The following PER2 variants were observed in gnomAD, a reference collection of about 807,000 sequenced individuals.
The protein encoded by PER2 is period circadian regulator 2, also known as period circadian protein homolog 2.
Under a neutral mutation model 121.0 loss-of-function variants are expected in PER2, and 66 were observed. The ratio of observed to expected loss-of-function variants is 0.55; its 90% CI spans 0.45 to 0.67. The LOEUF is 0.67. PER2 is among the 30% of genes least tolerant of loss of function. PER2 has a pLI of 0.00. For missense variants in PER2, 1,521 were observed against 1,635.0 expected, an observed-to-expected ratio of 0.93 and a Z score of 1.20; for synonymous variants, 684 against 659.9, an observed-to-expected ratio of 1.04 and a Z score of -0.56.
intron 22 of PER2, among the ~76,000 whole-genome samples, chr2:238,246,752 T>A (rs1023505000): frequency 3.3e-5 from 5 of 152,222 alleles, no homozygotes. Context: ...GGCAGGCACC[T>A]GTAGTCCCAG....
chr2:238,257,268 A>G (rs10198215), intron 16 of PER2, among the ~76,000 whole-genome samples, 182 bp from the exon 17 acceptor site: 64,878 of 152,072 alleles, frequency 0.43, 15,614 homozygotes, highest in African/African-American at 0.66. Flanking sequence ...TTATTCATAG[A>G]AGAATAGTGG....
intron 14 of PER2, among the ~76,000 whole-genome samples, chr2:238,259,379 G>C (rs1695857929): frequency 6.6e-6 from 1 of 152,264 alleles, no homozygotes; most frequent in Non-Finnish European, 1.5e-5. Context: ...CGGGACAGAG[G>C]AGCAGCATGA....
intron 3 of PER2, among the ~76,000 whole-genome samples, chr2:238,276,511 G>C (rs554798121): frequency 6.6e-6 from 1 of 152,330 alleles, no homozygotes; most frequent in Non-Finnish European, 1.5e-5. Flanking sequence ...CCTGCCCCAG[G>C]TAAAGAAGGA....
At chr2:238,256,021 G>T in intron 17 of PER2, 110 bp from the exon 18 acceptor site, 1 of 1,335,172 alleles carries the variant, frequency 7.5e-7, no homozygotes, top group Non-Finnish European at 1.1e-6. Flanking sequence ...GTAATTTCAT[G>T]ATGCCTGTGG....
intron 1 of PER2, 112 bp from the exon 2 acceptor site, chr2:238,278,067 CTCTT>C (rs998559804): frequency 1.9e-6 from 2 of 1,028,748 alleles, no homozygotes; most frequent in Non-Finnish European, 2.9e-6. Flanking sequence ...AAACTGCAGT[CTCTT>C]TCTTTCTTCT....
rs916893607 is a variant in PER2, at chr2:238,245,224, C to A, written c.*1151G>T. On this transcript the variant is annotated 3_prime_UTR_variant, in exon 23 of 23. Coordinates refer to ENST00000254657, the MANE Select transcript of PER2 (RefSeq NM_022817.3). Reference sequence around the variant, plus strand: ...TGCAACATGAGGTTTTGTAAAAAGCCGGGCAGACTGGCCTCACTTTTCCCC... The same window carrying A: ...TGCAACATGAGGTTTTGTAAAAAGCAGGGCAGACTGGCCTCACTTTTCCCC... 8.5e-6 allele frequency: 2 copies of A among 233,968 alleles called. No homozygotes were observed. The highest frequency in any genetic ancestry group is 1.6e-5 in the Non-Finnish European group (2 of 121,834). The allele number at this position is 233,968 out of a possible 1,614,324, so 14.5% of individuals were successfully genotyped here.
chr2:238,260,745 CA>C, intron 13 of PER2, 82 bp downstream of exon 13: 1 of 1,531,170 alleles, frequency 6.5e-7, no homozygotes, highest in Non-Finnish European at 9.0e-7. Context: ...TCCTAACTGC[CA>C]AAGGTTGTCT....
intron 1 of PER2, among the ~76,000 whole-genome samples, chr2:238,286,235 GGTTTCTTAAAGA>G (rs1305861005): frequency 6.6e-6 from 1 of 152,116 alleles, no homozygotes; most frequent in Non-Finnish European, 1.5e-5. Flanking sequence ...TCCTGTACCT[GGTTTCTTAAAGA>G]GTGGATTCTG....
chr2:238,249,093 G>A lies in PER2; in HGVS notation c.3587C>T (p.Thr1196Met), dbSNP rs75060790. 160 of 1,614,150 alleles carry A rather than the reference G, an allele frequency of 9.9e-5. No homozygotes were observed. The highest frequency in any genetic ancestry group is 5.0e-4 in the Admixed American group (30 of 60,032). The change falls in exon 22 of 23, where the codon ACG becomes ATG. Residue 1196 changes from threonine to methionine, a missense_variant. Transcript: ENST00000254657. ...GTCGATGGCTGCGGGCAGGCCGCCC[G>A]TCTGCATCCACTGGTGGACCTCGCG... ...ELREVHQWMQ[T>M]GGLPAAIDVA...
Position 238,250,693 on chromosome 2 carries a change from A to G in PER2, c.3325T>C (p.Ser1109Pro), listed in dbSNP as rs1229024831. The change falls in exon 21 of 23, where the codon TCA becomes CCA. Residue 1109 changes from serine to proline, a missense_variant. Physicochemically the swap from Ser to Pro is moderately conservative, Grantham distance 74. Transcript: ENST00000254657. ...ATTTTTGCTTTGTGATTATTCTCTG[A>G]GGAGTCAATGCTTCCAAAATATTTG... ...TSKYFGSIDSSENNHKAKMNT... is the reference protein window; with the variant it reads ...TSKYFGSIDSPENNHKAKMNT... 1.2e-6 allele frequency: 2 copies of G among 1,613,976 alleles called. No homozygotes were observed. Among genetic ancestry groups the G allele is most frequent in the Admixed American group, 1.7e-5 (1 of 60,030 alleles).
chr2:238,258,746 C>T, intron 14 of PER2, 102 bp from the exon 15 acceptor site: 1 of 1,184,030 alleles, frequency 8.4e-7, no homozygotes, highest in Non-Finnish European at 1.2e-6. Flanking sequence ...GGGCTGGGGA[C>T]TCAGAATCTG....
chr2:238,293,997 C>T (rs932945192), upstream of PER2, among the ~76,000 whole-genome samples: 1 of 152,108 alleles, frequency 6.6e-6, no homozygotes, highest in Non-Finnish European at 1.5e-5. Flanking sequence ...TGAAGGAGCC[C>T]AAGGAGAGGT....
intron 1 of PER2, among the ~76,000 whole-genome samples, chr2:238,278,930 G>A (rs1413936393): frequency 6.6e-6 from 1 of 152,200 alleles, no homozygotes; most frequent in Non-Finnish European, 1.5e-5. Flanking sequence ...ATTTGGACAG[G>A]CTTGCACTGC....
Position 238,261,761 on chromosome 2 carries a change from G to A in PER2, c.1384C>T (p.Leu462Phe). The A allele has an allele frequency of 6.4e-7, 1 of 1,571,166 alleles. No individual in the cohort carries two copies. ...EKALHPSIQE[L>F]TEQIHRLLLQ... Reference sequence around the variant, plus strand: ...AGGAGCCGGTGGATCTGCTCTGTGAGCTCCTGAATGCTGGGGTGCAGGGCC... The same window carrying A: ...AGGAGCCGGTGGATCTGCTCTGTGAACTCCTGAATGCTGGGGTGCAGGGCC... The change falls in exon 12 of 23, where the codon CTC (leucine) becomes TTC (phenylalanine). Residue 462 changes from leucine to phenylalanine, a missense_variant. Leu to Phe is a conservative substitution (Grantham distance 22). Coordinates refer to ENST00000254657, the MANE Select transcript of PER2 (RefSeq NM_022817.3).
At chr2:238,247,155 C>A (rs1427344286) in intron 22 of PER2, 1 of 152,402 alleles carries the variant, frequency 6.6e-6, no homozygotes, top group East Asian at 1.9e-4. Context: ...GGCCTAATTC[C>A]TTTCTCCTTA....
chr2:238,252,964 G>A lies in PER2; in HGVS notation c.3059C>T (p.Ala1020Val), dbSNP rs767973991. The A allele has an allele frequency of 1.6e-5, 26 of 1,613,784 alleles. No homozygotes were observed. The highest frequency in any genetic ancestry group is 4.5e-5 in the East Asian group (2 of 44,892). ...TGATETAAVG[A>V]DCKPGTSRDQ... is the part of the protein sequence containing the mutation. ...CCGAGAAGTGCCAGGTTTGCAGTCC[G>A]CCCCTACAGCTGCTGTCTCTGTGGC... Residue 1020 changes from alanine to valine, a missense_variant, in exon 19 of 23, where the codon GCG (alanine) becomes GTG (valine). Transcript: ENST00000254657. The surrounding 1 kb of genome is among the most constrained non-coding windows in gnomAD (Gnocchi z 4.2).
At chr2:238,269,101 A>G in intron 6 of PER2, 127 bp from the exon 7 acceptor site, 1 of 746,692 alleles carries the variant, frequency 1.3e-6, no homozygotes, top group South Asian at 1.5e-5. Flanking sequence ...AAATTTATGG[A>G]AGCACAAAGT....
rs1234503605 is a variant in PER2, at chr2:238,253,225, C to A, written c.2798G>T (p.Ser933Ile). ...AFFPSQPQFP[S>I]HPTLTSEMAS... The stretch of plus-strand genomic sequence containing the variant: ...CATCTCGGATGTGAGTGTGGGGTGG[C>A]TCGGAAACTGAGGCTGGCTGGGGAA... The change falls in exon 19 of 23, where the codon AGC (serine) becomes ATC (isoleucine). Residue 933 changes from serine to isoleucine, a missense_variant. By Grantham distance (142) the Ser-to-Ile change is moderately radical. Coordinates refer to ENST00000254657, the MANE Select transcript of PER2 (RefSeq NM_022817.3). The surrounding 1 kb of genome is among the most constrained non-coding windows in gnomAD (Gnocchi z 5.6). 6.3e-7 allele frequency: 1 copy of A among 1,599,302 alleles called. No individual in the cohort carries two copies. The highest frequency in any genetic ancestry group is 1.3e-5 in the African/African-American group (1 of 74,710).
rs188799577 is a variant in PER2, at chr2:238,250,221, G to A, written c.3467+330C>T. Among the ~76,000 whole-genome samples, 106 of 152,338 alleles carry A rather than the reference G, an allele frequency of 7.0e-4. 1 individual carries two copies. Among genetic ancestry groups the A allele is most frequent in the African/African-American group, 2.5e-3 (103 of 41,586 alleles). ...CCCATTTACCTCACAGGGTTACTGG[G>A]CAACAAAGCAAGAGATGCTGGCACC... On this transcript the variant is annotated intron_variant, in intron 21 of 22. Transcript: ENST00000254657.
Sources: allele counts gnomAD v4.1 joint callset (sites outside exome capture counted in the v4.1 genomes callset), GRCh38; gene constraint gnomAD v4.1.1; non-coding constraint Gnocchi (gnomAD v3.1); transcripts MANE v1.5; gene names NCBI Gene and HGNC (gene_info 2026-07-23, HGNC 2026-07-21).